The following TMPRSS11E variants were observed in gnomAD, a reference collection of about 807,000 sequenced individuals.
TMPRSS11E encodes transmembrane protease serine 11E.
A neutral mutation model predicts 48.1 loss-of-function variants in TMPRSS11E; 38 were observed. The observed-to-expected ratio is 0.79, with a 90% CI of 0.61 to 1.04. The LOEUF is 1.04. Among genes scored for constraint, TMPRSS11E ranks in the 50% least tolerant of loss-of-function variants. The probability of loss-of-function intolerance (pLI) is 0.00; values close to 1 mark genes in which losing one functional copy is unlikely to be tolerated. For missense variants in TMPRSS11E, 530 were observed against 510.8 expected, an observed-to-expected ratio of 1.04 and a Z score of -0.36; for synonymous variants, 158 against 171.9, an observed-to-expected ratio of 0.92 and a Z score of 0.63.
intron 4 of TMPRSS11E, among the ~76,000 whole-genome samples, chr4:68,469,814 A>G (rs1729015893): frequency 6.6e-6 from 1 of 151,992 alleles, no homozygotes; most frequent in African/African-American, 2.4e-5. Context: ...AGTTCCACAG[A>G]AAATTCCCTA....
rs780238897 is a variant in TMPRSS11E at position 68,476,446 on chromosome 4, T to G, written c.707+8T>G. On this transcript the variant is annotated splice_region_variant and intron_variant, in intron 7 of 9. Transcript: ENST00000305363. ...TGCTCACTGTTTTACAACGTAAGTC[T>G]TGAAGCTTGAGAATGATTGGGAGTG... is the stretch of plus-strand genomic sequence containing the variant. 3.8e-6 allele frequency: 6 copies of G among 1,599,204 alleles called. No homozygotes were observed. The highest frequency in any genetic ancestry group is 5.1e-6 in the Non-Finnish European group (6 of 1,170,988).
At chr4:68,485,727 C>A (rs6850720) in intron 9 of TMPRSS11E, among the ~76,000 whole-genome samples, 41,861 of 151,948 alleles carry the variant, frequency 0.28, 6,435 homozygotes, top group Middle Eastern at 0.44. Context: ...ATAATTGGTA[C>A]CAGCTCTTCT....
At chr4:68,472,446 CT>C (rs1387846460) in intron 5 of TMPRSS11E, among the ~76,000 whole-genome samples, 1 of 151,672 alleles carries the variant, frequency 6.6e-6, no homozygotes, top group Non-Finnish European at 1.5e-5. Flanking sequence ...AAATATTTCA[CT>C]TTTTTTTGTA....
intron 4 of TMPRSS11E, among the ~76,000 whole-genome samples, chr4:68,471,235 CTTTTCTTTTCTT>C (rs1729056140): frequency 6.6e-6 from 1 of 151,180 alleles, no homozygotes; most frequent in Non-Finnish European, 1.5e-5. Flanking sequence ...TTTCTTTTCT[CTTTTCTTTTCTT>C]TCTCTCTCTC....
At chr4:68,489,098 G>T (rs1729644730) in intron 9 of TMPRSS11E, among the ~76,000 whole-genome samples, 1 of 152,150 alleles carries the variant, frequency 6.6e-6, no homozygotes, top group African/African-American at 2.4e-5. Context: ...TCTCATCTGT[G>T]TGTGTGAAGT....
chr4:68,468,673 A>G (rs952318236), intron 3 of TMPRSS11E, among the ~76,000 whole-genome samples: 6 of 152,000 alleles, frequency 3.9e-5, no homozygotes, highest in Non-Finnish European at 7.4e-5. Context: ...GCGGTTCCCT[A>G]CTCCTATCAT....
intron 1 of TMPRSS11E, among the ~76,000 whole-genome samples, chr4:68,458,308 G>T (rs990257796): frequency 6.6e-6 from 1 of 151,836 alleles, no homozygotes; most frequent in African/African-American, 2.4e-5. Context: ...TAATAATAAT[G>T]CAGCCTAAGC....
chr4:68,473,784 G>C (rs537381222), intron 5 of TMPRSS11E, among the ~76,000 whole-genome samples: 1 of 152,066 alleles, frequency 6.6e-6, no homozygotes, highest in Non-Finnish European at 1.5e-5. Flanking sequence ...TAGAGAACAG[G>C]TTATTTGAAA....
chr4:68,475,187 C>T (rs978072161), intron 6 of TMPRSS11E, among the ~76,000 whole-genome samples: 2 of 151,870 alleles, frequency 1.3e-5, no homozygotes, highest in Admixed American at 1.3e-4. Context: ...TACGAAAGTG[C>T]AGGAAATTAT....
chr4:68,488,201 A>G (rs2708675), intron 9 of TMPRSS11E, among the ~76,000 whole-genome samples: 90,311 of 151,920 alleles, frequency 0.59, 27,775 homozygotes, highest in East Asian at 0.84. Context: ...TTTGTATGTT[A>G]ACCTCTGCAG....
intron 2 of TMPRSS11E, among the ~76,000 whole-genome samples, chr4:68,462,419 A>C (rs1413681108): frequency 6.6e-6 from 1 of 151,128 alleles, no homozygotes; most frequent in Non-Finnish European, 1.5e-5. Flanking sequence ...TCTACTAAAA[A>C]AAAAAAAAAA....
At position 68,482,590 on chromosome 4, in the gene TMPRSS11E, CAAAAAAA is replaced by C. The variant is rs371144994; in HGVS notation, c.1110+3625_1110+3631del. Among the ~76,000 whole-genome samples the C allele has an allele frequency of 4.7e-3, 500 of 105,956 alleles. 1 individual carries two copies. Among genetic ancestry groups the C allele is most frequent in the South Asian group, 7.9e-3 (21 of 2,648 alleles). The allele number at this position is 105,956 out of a possible 152,430, so 69.5% of individuals were successfully genotyped here. ...GTAATGTGGCAAAACTGCATCTCCA[CAAAAAAA>C]AAAAAAAAAAAAAAAAAAAAAAAAA... On this transcript the variant is annotated intron_variant, in intron 9 of 9. Coordinates refer to ENST00000305363, the MANE Select transcript of TMPRSS11E (RefSeq NM_014058.4).
intron 7 of TMPRSS11E, among the ~76,000 whole-genome samples, chr4:68,477,083 G>A (rs1030035568): frequency 1.3e-5 from 2 of 151,896 alleles, no homozygotes; most frequent in African/African-American, 4.8e-5. Context: ...TCTGTACAGG[G>A]TACTTTCCAT....
chr4:68,454,581 A>G (rs1307250513), intron 1 of TMPRSS11E, among the ~76,000 whole-genome samples: 1 of 151,910 alleles, frequency 6.6e-6, no homozygotes, highest in African/African-American at 2.4e-5. Context: ...CTCACTTTTC[A>G]TTTTGGAAGA....
rs928644449 is a variant in TMPRSS11E, at chr4:68,478,779, A to G, written c.968-70A>G. On this transcript the variant is annotated intron_variant, in intron 8 of 9. Transcript: ENST00000305363. ...CTGTATCACCATCTTATTCCTAATC[A>G]TGAAACATTTTCTTCAAGTTTATAA... 16 of 1,552,504 alleles carry G rather than the reference A, an allele frequency of 1.0e-5. No individual in the cohort carries two copies. The East Asian group carries it at 2.9e-4, about 28-fold the overall frequency.
chr4:68,450,766 T>A (rs189488246), intron 1 of TMPRSS11E, among the ~76,000 whole-genome samples: 1 of 152,096 alleles, frequency 6.6e-6, no homozygotes, highest in Admixed American at 6.6e-5. Context: ...AAATAAACAG[T>A]GATCTATCTT....
At chr4:68,470,241 A>T (rs1729027119) in intron 4 of TMPRSS11E, among the ~76,000 whole-genome samples, 1 of 151,910 alleles carries the variant, frequency 6.6e-6, no homozygotes, top group South Asian at 2.1e-4. Flanking sequence ...AAGGATGACA[A>T]AGAAAGCTTG....
At chr4:68,496,112 C>T (rs1729857101) in intron 9 of TMPRSS11E, among the ~76,000 whole-genome samples, 2 of 152,088 alleles carry the variant, frequency 1.3e-5, no homozygotes, top group African/African-American at 4.8e-5. Flanking sequence ...CTTCATAGCA[C>T]TCATCACAGG....
chr4:68,492,004 G>A lies in TMPRSS11E; in HGVS notation c.1111-4639G>A, dbSNP rs150559156. 6.7e-3 allele frequency among the ~76,000 whole-genome samples: 1,020 copies of A among 152,156 alleles called. 13 individuals are homozygous for A. The highest frequency in any genetic ancestry group is 0.023 in the African/African-American group (968 of 41,506). On this transcript the variant is annotated intron_variant, in intron 9 of 9. Transcript: ENST00000305363. Reference sequence around the variant, plus strand: ...TTGCTACATTAAATTCTTTTATTCAGTTGACCTTTGTTTATACTCTGGCAA... The same window carrying A: ...TTGCTACATTAAATTCTTTTATTCAATTGACCTTTGTTTATACTCTGGCAA...
Sources: allele counts gnomAD v4.1 joint callset (sites outside exome capture counted in the v4.1 genomes callset), GRCh38; gene constraint gnomAD v4.1.1; transcripts MANE v1.5; gene names NCBI Gene and HGNC (gene_info 2026-07-23, HGNC 2026-07-21).